CPAMD8: variants seen among roughly 807,000 people sequenced by gnomAD.
CPAMD8 encodes the protein C3 and PZP-like alpha-2-macroglobulin domain-containing protein 8.
A neutral mutation model predicts 224.7 loss-of-function variants in CPAMD8; 146 were observed. The ratio of observed to expected loss-of-function variants is 0.65; its 90% CI spans 0.57 to 0.75. The LOEUF (loss-of-function observed/expected upper bound fraction) is 0.75. Among genes scored for constraint, CPAMD8 ranks in the 30% least tolerant of loss-of-function variants. The probability of loss-of-function intolerance (pLI) is 0.00; values close to 1 mark genes in which losing one functional copy is unlikely to be tolerated. For synonymous variants in CPAMD8, 966 were observed against 1,044.6 expected (o/e 0.92, Z 1.45); for missense variants, 2,301 against 2,537.5 (o/e 0.91, Z 2.00).
At chr19:16,896,757 C>T in intron 39 of CPAMD8, 92 bp from the exon 40 acceptor site, 2 of 907,956 alleles carry the variant, frequency 2.2e-6, no homozygotes, top group Non-Finnish European at 3.0e-6. Flanking sequence ...TCCCTGGGTC[C>T]CGGGCCCACT....
At chr19:16,985,747 TGGAG>T (rs941553304) in intron 13 of CPAMD8, among the ~76,000 whole-genome samples, 3 of 141,974 alleles carry the variant, frequency 2.1e-5, no homozygotes, top group Non-Finnish European at 3.1e-5. Flanking sequence ...GATGGATGGG[TGGAG>T]GGAGGGAGGA....
intron 39 of CPAMD8, 29 bp downstream of exon 39, chr19:16,897,662 G>T (rs567552924): frequency 3.3e-5 from 43 of 1,290,540 alleles, no homozygotes; most frequent in South Asian, 1.9e-4. Context: ...AGGCCGCGGT[G>T]GGGGGCGGCA....
At position 16,914,748 on chromosome 19, in the gene CPAMD8, T is replaced by TC; in HGVS notation, c.3694dup (p.Glu1232GlyfsTer63). 1 of 1,613,982 alleles carries TC rather than the reference T, an allele frequency of 6.2e-7. No individual in the cohort carries two copies. Among genetic ancestry groups the TC allele is most frequent in the Non-Finnish European group, 8.5e-7 (1 of 1,179,958 alleles). On this transcript the variant is annotated frameshift_variant, in exon 28 of 42. Coordinates refer to ENST00000443236, the MANE Select transcript of CPAMD8 (RefSeq NM_015692.5). LOFTEE classifies it high-confidence loss of function. ...GATCCAGCTCTTGGCGGCAGCCAGCTCCCGGGGGTCCACGAAGATAAAGCT... is the reference window on the plus strand; with the variant it reads ...GATCCAGCTCTTGGCGGCAGCCAGCTCCCCGGGGGTCCACGAAGATAAAGCT...
chr19:16,916,117 G>C (rs956695812), intron 27 of CPAMD8, among the ~76,000 whole-genome samples: 3 of 151,878 alleles, frequency 2.0e-5, no homozygotes, highest in Admixed American at 1.3e-4. Flanking sequence ...CAGCTCAAGC[G>C]ATTCTCCCAC....
At position 17,021,330 on chromosome 19, in the gene CPAMD8, C is replaced by T. The variant is rs535107424; in HGVS notation, c.244+700G>A. On this transcript the variant is annotated intron_variant, in intron 2 of 41. Transcript: ENST00000443236. ...CCCAAGTCAGGAGTGCCTGGTTCTTCTAGGACTAGAAGGGCTTCTAGAAGG... is the reference window on the plus strand; with the variant it reads ...CCCAAGTCAGGAGTGCCTGGTTCTTTTAGGACTAGAAGGGCTTCTAGAAGG... 4.6e-5 allele frequency among the ~76,000 whole-genome samples: 7 copies of T among 152,284 alleles called. No homozygotes were observed. The South Asian group carries it at 1.5e-3, about 32-fold the overall frequency.
intron 22 of CPAMD8, among the ~76,000 whole-genome samples, chr19:16,942,226 C>G (rs1217212248): frequency 1.3e-5 from 2 of 152,108 alleles, no homozygotes; most frequent in African/African-American, 4.8e-5. Flanking sequence ...CTTTGGGAGA[C>G]CGAGGCGGGC....
At chr19:16,996,128 C>A (rs749838334) in intron 11 of CPAMD8, among the ~76,000 whole-genome samples, 14 of 151,932 alleles carry the variant, frequency 9.2e-5, no homozygotes, top group African/African-American at 3.4e-4. Context: ...CCAGCCTGGG[C>A]GACAGAGCGA....
At chr19:17,011,079 G>A (rs374946362) in intron 5 of CPAMD8, among the ~76,000 whole-genome samples, 75 of 151,744 alleles carry the variant, frequency 4.9e-4, no homozygotes, top group South Asian at 1.5e-3. Flanking sequence ...CTATAATCCC[G>A]GCTACTCGGG....
At chr19:16,943,097 C>T (rs1157155663) in intron 22 of CPAMD8, among the ~76,000 whole-genome samples, 1 of 147,676 alleles carries the variant, frequency 6.8e-6, no homozygotes, top group Non-Finnish European at 1.5e-5. Flanking sequence ...CTTACTGTAA[C>T]TCTCACCTCC....
intron 7 of CPAMD8, 69 bp from the exon 8 acceptor site, chr19:17,004,455 GC>G: frequency 2.0e-6 from 2 of 990,978 alleles, no homozygotes; most frequent in Non-Finnish European, 3.2e-6. Flanking sequence ...GGAAGAGGGA[GC>G]CAGGACCCTG....
At position 17,022,164 on chromosome 19, in the gene CPAMD8, G is replaced by A. The variant is rs1430811143; in HGVS notation, c.110C>T (p.Ala37Val). Residue 37 changes from alanine (A) to valine (V), a missense_variant, in exon 2 of 42, where the codon GCT becomes GTT. Ala to Val is a moderately conservative substitution (Grantham distance 64). Coordinates refer to ENST00000443236, the MANE Select transcript of CPAMD8 (RefSeq NM_015692.5). The stretch of plus-strand genomic sequence containing the variant: ...CACGCCCGCGCGAAAAACAGAGGGA[G>A]CTGCAATCAAGTAACCCCTGCAGGA... ...QPQAPGYLIA[A>V]PSVFRAGVEE... The A allele has an allele frequency of 6.2e-7, 1 of 1,610,272 alleles. No individual in the cohort carries two copies. Among genetic ancestry groups the A allele is most frequent in the South Asian group, 1.1e-5 (1 of 90,296 alleles).
Position 16,972,999 on chromosome 19 carries a change from T to C in CPAMD8, c.2071-1966A>G, listed in dbSNP as rs530692016. On this transcript the variant is annotated intron_variant, in intron 17 of 41. Transcript: ENST00000443236. ...GCCTGGGTGACATGGTGAAACCCCA[T>C]CTCTATAAATACGAAAAAAATTAGC... Among the ~76,000 whole-genome samples the C allele has an allele frequency of 9.9e-5, 15 of 152,058 alleles. No homozygotes were observed. The Middle Eastern group carries it at 0.01, about 103-fold the overall frequency.
chr19:16,929,319 G>T, intron 23 of CPAMD8, 79 bp from the exon 24 acceptor site: 1 of 1,189,264 alleles, frequency 8.4e-7, no homozygotes, highest in Non-Finnish European at 1.2e-6. Context: ...CTGGAGGTGA[G>T]CACCAGGACC....
chr19:16,927,737 G>A (rs748247280), intron 25 of CPAMD8, among the ~76,000 whole-genome samples: 12 of 152,158 alleles, frequency 7.9e-5, no homozygotes, highest in Non-Finnish European at 1.8e-4. Flanking sequence ...TCTGCATAAG[G>A]TTTAGACTTG....
At chr19:16,911,928 C>G (rs1461571631) in intron 29 of CPAMD8, among the ~76,000 whole-genome samples, 1 of 152,166 alleles carries the variant, frequency 6.6e-6, no homozygotes, top group Non-Finnish European at 1.5e-5. Flanking sequence ...ATCTGCCTGC[C>G]TTGGCCTCCC....
chr19:16,991,720 TG>T (rs538066764), intron 12 of CPAMD8, among the ~76,000 whole-genome samples: 1 of 151,534 alleles, frequency 6.6e-6, no homozygotes, highest in Non-Finnish European at 1.5e-5. Flanking sequence ...CTGGGCGTGG[TG>T]GGGGGCGCCT....
At chr19:16,992,784 G>A (rs1198174381) in intron 12 of CPAMD8, among the ~76,000 whole-genome samples, 1 of 152,070 alleles carries the variant, frequency 6.6e-6, no homozygotes, top group Non-Finnish European at 1.5e-5. Flanking sequence ...AGCTGGGTGA[G>A]GTGCTAATTA....
intron 13 of CPAMD8, among the ~76,000 whole-genome samples, chr19:16,987,324 G>A (rs1283077610): frequency 6.6e-6 from 1 of 150,824 alleles, no homozygotes; most frequent in Non-Finnish European, 1.5e-5. Flanking sequence ...CCACAACACT[G>A]ATGTGTGGAT....
intron 29 of CPAMD8, among the ~76,000 whole-genome samples, chr19:16,909,492 C>G (rs1168067484): frequency 6.6e-6 from 1 of 151,930 alleles, no homozygotes; most frequent in Admixed American, 6.6e-5. Context: ...TGCAATGAGC[C>G]GAGATCGCGC....
Sources: allele counts gnomAD v4.1 joint callset (sites outside exome capture counted in the v4.1 genomes callset), GRCh38; gene constraint gnomAD v4.1.1; transcripts MANE v1.5; gene names NCBI Gene and HGNC (gene_info 2026-07-23, HGNC 2026-07-21).